OBSL1: variants seen among roughly 807,000 people sequenced by gnomAD.
OBSL1 encodes obscurin-like protein 1.
A neutral mutation model predicts 172.0 loss-of-function variants in OBSL1; 160 were observed. That is an observed-to-expected ratio of 0.93 (90% CI 0.82 to 1.06). The LOEUF (loss-of-function observed/expected upper bound fraction) is 1.06. Ranked by LOEUF, OBSL1 falls within the 50% of genes least tolerant of loss-of-function variation. The pLI is 0.00. For missense variants in OBSL1, 2,681 were observed against 2,715.4 expected, an observed-to-expected ratio of 0.99 and a Z score of 0.28; for synonymous variants, 1,200 against 1,196.3, an observed-to-expected ratio of 1.00 and a Z score of -0.06.
At position 219,565,383 on chromosome 2, in the gene OBSL1, C is replaced by A. The variant is rs1264961721; in HGVS notation, c.2266G>T (p.Val756Leu). ...ACCACCAGCAACTCGCTCTCCTCCACCTTCTGCCCATCCTTGTACCAGGTT... is the reference window on the plus strand; with the variant it reads ...ACCACCAGCAACTCGCTCTCCTCCAACTTCTGCCCATCCTTGTACCAGGTT... ...PATWYKDGQK[V>L]EESELLVVKM... The change falls in exon 6 of 21, where the codon GTG becomes TTG. Residue 756 changes from valine (V) to leucine (L), a missense_variant. Transcript: ENST00000404537. 1 of 1,614,046 alleles carries A rather than the reference C, an allele frequency of 6.2e-7. No homozygotes were observed. The highest frequency in any genetic ancestry group is 1.7e-5 in the Admixed American group (1 of 60,030).
rs1167304337 is a variant in OBSL1, at chr2:219,552,224, T to A, written c.5309-8A>T. 1 of 1,588,068 alleles carries A rather than the reference T, an allele frequency of 6.3e-7. No individual in the cohort carries two copies. The highest frequency in any genetic ancestry group is 1.8e-5 in the Admixed American group (1 of 55,800). On this transcript the variant is annotated splice_region_variant and splice_polypyrimidine_tract_variant and intron_variant, in intron 18 of 20. Coordinates refer to ENST00000404537, the MANE Select transcript of OBSL1 (RefSeq NM_015311.3). Reference sequence around the variant, plus strand: ...CCAGAATGTGTTTCTTCCCTGGGGGTGAGGGGGTCGCTAGCGAGGCCGGAG... The same window carrying A: ...CCAGAATGTGTTTCTTCCCTGGGGGAGAGGGGGTCGCTAGCGAGGCCGGAG...
downstream of OBSL1, chr2:219,547,755 C>T (rs1277545023): frequency 3.1e-6 from 5 of 1,594,718 alleles, no homozygotes; most frequent in Non-Finnish European, 3.4e-6. Context: ...GGCTCCGCAC[C>T]CTACTACCAG....
In OBSL1 at chr2:219,553,701, G is replaced by C. The variant is rs774710450; in HGVS notation, c.4877-15C>G. 8.8e-6 allele frequency: 14 copies of C among 1,594,278 alleles called. No individual in the cohort carries two copies. The East Asian group carries it at 3.1e-4, about 36-fold the overall frequency. Reference sequence around the variant, plus strand: ...CACTGGGACCTCTGGGGGTGGGAGAGGGAGGACAGTGCAGAGGGAGCAGGA... The same window carrying C: ...CACTGGGACCTCTGGGGGTGGGAGACGGAGGACAGTGCAGAGGGAGCAGGA... On this transcript the variant is annotated splice_polypyrimidine_tract_variant and intron_variant, in intron 15 of 20. Coordinates refer to ENST00000404537, the MANE Select transcript of OBSL1 (RefSeq NM_015311.3).
chr2:219,549,374 C>G (rs1335871240), downstream of OBSL1: 7 of 1,600,608 alleles, frequency 4.4e-6, no homozygotes, highest in Middle Eastern at 1.8e-4. Flanking sequence ...CTGAGCCCAT[C>G]CAGCCAGAAT....
rs371867822 is a variant in OBSL1 at position 219,563,561 on chromosome 2, A to T, written c.2474T>A (p.Val825Asp). The T allele has an allele frequency of 1.2e-6, 2 of 1,612,772 alleles. No homozygotes were observed. The highest frequency in any genetic ancestry group is 1.7e-6 in the Non-Finnish European group (2 of 1,179,720). ...VFVHAITSEC[V>D]MLACEVDRED... is the part of the protein sequence containing the mutation. ...TCGGTCCACCTCACAGGCCAGCATG[A>T]CACACTCGGAAGTTATGGCATGCAC... Residue 825 changes from valine (V) to aspartate (D), a missense_variant, in exon 7 of 21, where the codon GTC becomes GAC. Val to Asp is a radical substitution (Grantham distance 152, BLOSUM62 -3). This residue lies in a region of OBSL1 where 1,765 missense variants were observed against 1,748.3 expected (regional missense o/e 1.01). Coordinates refer to ENST00000404537, the MANE Select transcript of OBSL1 (RefSeq NM_015311.3).
At chr2:219,559,972 T>C (rs1696345377) in intron 8 of OBSL1, among the ~76,000 whole-genome samples, 1 of 152,244 alleles carries the variant, frequency 6.6e-6, no homozygotes, top group Non-Finnish European at 1.5e-5. Context: ...TTTCCTGAAA[T>C]GACTTGGAAT....
chr2:219,554,552 C>T lies in OBSL1; in HGVS notation c.4798G>A (p.Gly1600Ser). The T allele has an allele frequency of 6.2e-7, 1 of 1,613,486 alleles. No homozygotes were observed. The highest frequency in any genetic ancestry group is 8.5e-7 in the Non-Finnish European group (1 of 1,179,864). ...CAGCCTGAGTCGGCCAGGCCCAGGC[C>T]ATTGAGTACCAGTCGGTGACGGTGG... ...DGHRHRLVLN[G>S]LGLADSGCVS... The change falls in exon 15 of 21, where the codon GGC becomes AGC. Residue 1600 changes from glycine to serine, a missense_variant. Coordinates refer to ENST00000404537, the MANE Select transcript of OBSL1 (RefSeq NM_015311.3).
At chr2:219,564,470 G>C (rs1030257389) in intron 6 of OBSL1, among the ~76,000 whole-genome samples, 2 of 152,222 alleles carry the variant, frequency 1.3e-5, no homozygotes, top group African/African-American at 4.8e-5. Context: ...TCATCGAGTT[G>C]TGAAGATTAA....
downstream of OBSL1, chr2:219,547,502 C>A (rs1366438451): frequency 7.0e-7 from 1 of 1,421,358 alleles, no homozygotes; most frequent in South Asian, 1.8e-5. Flanking sequence ...CTGTTCCCCT[C>A]CAGGTTACCG....
At position 219,558,085 on chromosome 2, in the gene OBSL1, T is replaced by C. The variant is rs778933148; in HGVS notation, c.3528A>G (p.Leu1176=). Residue 1176 remains leucine (L), a synonymous_variant, in exon 11 of 21, where the codon CTA becomes CTG. Coordinates refer to ENST00000404537, the MANE Select transcript of OBSL1 (RefSeq NM_015311.3). The stretch of plus-strand genomic sequence containing the variant: ...CACAGAGCGGGCTTGGAGTTGTCTC[T>C]AGAGCAAGGAACTGCACTGGAGGCT... ...LAEPPVQFLA[L]ETTPSPLCVA... is the part of the protein sequence containing the mutation. 4.3e-6 allele frequency: 7 copies of C among 1,613,720 alleles called. No individual in the cohort carries two copies. The East Asian group carries it at 1.1e-4, about 26-fold the overall frequency.
In OBSL1 at chr2:219,570,439, A is replaced by C; in HGVS notation, c.794T>G (p.Phe265Cys). The C allele has an allele frequency of 6.2e-7, 1 of 1,612,832 alleles. No homozygotes were observed. The highest frequency in any genetic ancestry group is 8.5e-7 in the Non-Finnish European group (1 of 1,179,536). Residue 265 changes from phenylalanine to cysteine, a missense_variant, in exon 1 of 21, where the codon TTC becomes TGC. Phe to Cys is a radical substitution (Grantham distance 205, BLOSUM62 -2). Transcript: ENST00000404537. ...FWVNEGKHAK[F>C]RCYVMGKPEP... The stretch of plus-strand genomic sequence containing the variant: ...GGGCTTGCCCATCACGTAGCAGCGG[A>C]ACTTGGCGTGCTTGCCCTCGTTCAC...
downstream of OBSL1, chr2:219,547,967 GT>G: frequency 6.3e-7 from 1 of 1,589,154 alleles, no homozygotes; most frequent in South Asian, 1.1e-5. Flanking sequence ...GGCTGCTCCT[GT>G]GCCCCCACTC....
intron 18 of OBSL1, 90 bp downstream of exon 18, chr2:219,552,446 C>T: frequency 2.2e-6 from 3 of 1,366,542 alleles, no homozygotes; most frequent in South Asian, 1.4e-5. Context: ...CCCGTCGGAG[C>T]CAGGGGCGGG....
chr2:219,556,625 C>G lies in OBSL1; in HGVS notation c.4165G>C (p.Asp1389His), dbSNP rs201415998. The part of the protein sequence containing the change: ...FRCEVSPPDA[D>H]VTWLRNGAVV... ...GCCCCATTGCGCAGCCAGGTGACAT[C>G]GGCATCTGGTGGGGAGACTTCACAC... Residue 1389 changes from aspartate (D) to histidine (H), a missense_variant, in exon 13 of 21, where the codon GAT (aspartate) becomes CAT (histidine). Asp to His is a moderately conservative substitution (Grantham distance 81). Coordinates refer to ENST00000404537, the MANE Select transcript of OBSL1 (RefSeq NM_015311.3). 6.2e-7 allele frequency: 1 copy of G among 1,613,994 alleles called. No homozygotes were observed. The highest frequency in any genetic ancestry group is 2.2e-5 in the East Asian group (1 of 44,886).
At chr2:219,549,834 G>A (rs747489335), downstream of OBSL1, 1 of 1,614,070 alleles carries the variant, frequency 6.2e-7, no homozygotes, top group Non-Finnish European at 8.5e-7. Flanking sequence ...AGCCTGCTCA[G>A]GCCCCCCAGT....
At chr2:219,567,177 G>A in intron 4 of OBSL1, 51 bp from the exon 5 acceptor site, 1 of 1,585,118 alleles carries the variant, frequency 6.3e-7, no homozygotes, top group Middle Eastern at 1.8e-4. Context: ...GTGGCAGAGG[G>A]CAGAGGCTGG....
intron 14 of OBSL1, 178 bp from the exon 15 acceptor site, chr2:219,554,918 G>A (rs376510664): frequency 1.5e-5 from 10 of 645,362 alleles, no homozygotes; most frequent in African/African-American, 3.6e-5. Context: ...ATTTGGCGGG[G>A]GGAGGGCTGT....
At position 219,553,621 on chromosome 2, in the gene OBSL1, A is replaced by G. The variant is rs1438031598; in HGVS notation, c.4942T>C (p.Phe1648Leu). 6.2e-7 allele frequency: 1 copy of G among 1,613,910 alleles called. No individual in the cohort carries two copies. The highest frequency in any genetic ancestry group is 1.3e-5 in the African/African-American group (1 of 75,028). Reference sequence around the variant, plus strand: ...AAAGCTTGGGAAAGCTCGCACTCGAACGTAGCTGTGTCGCCCTCGGTCACC... The same window carrying G: ...AAAGCTTGGGAAAGCTCGCACTCGAGCGTAGCTGTGTCGCCCTCGGTCACC... ...LEVTEGDTAT[F>L]ECELSQALAD... Residue 1648 changes from phenylalanine (F) to leucine (L), a missense_variant, in exon 16 of 21, where the codon TTC becomes CTC. Phe to Leu is a conservative substitution (Grantham distance 22). Coordinates refer to ENST00000404537, the MANE Select transcript of OBSL1 (RefSeq NM_015311.3).
At position 219,570,216 on chromosome 2, in the gene OBSL1, C is replaced by T. The variant is rs780479252; in HGVS notation, c.1012+5G>A. The stretch of plus-strand genomic sequence containing the variant: ...CCCCTCCCTAGGTCCCGGGCTCCGC[C>T]GTACCTTTCACGTGCAGCTGCACGG... On this transcript the variant is annotated splice_donor_5th_base_variant and intron_variant, in intron 1 of 20. Coordinates refer to ENST00000404537, the MANE Select transcript of OBSL1 (RefSeq NM_015311.3). 2 of 1,546,526 alleles carry T rather than the reference C, an allele frequency of 1.3e-6. No homozygotes were observed. The highest frequency in any genetic ancestry group is 1.7e-6 in the Non-Finnish European group (2 of 1,145,306).
Sources: allele counts gnomAD v4.1 joint callset (sites outside exome capture counted in the v4.1 genomes callset), GRCh38; gene constraint gnomAD v4.1.1; regional missense constraint gnomAD v4.1.1; transcripts MANE v1.5; gene names NCBI Gene and HGNC (gene_info 2026-07-23, HGNC 2026-07-21).